Variants in CFAP36 observed in about 807,000 individuals in gnomAD.
CFAP36 encodes the protein cilia- and flagella-associated protein 36.
Under a neutral mutation model 50.5 loss-of-function variants are expected in CFAP36, and 37 were observed. The ratio of observed to expected loss-of-function variants is 0.73; its 90% CI spans 0.56 to 0.96. CFAP36 has a LOEUF of 0.96. CFAP36 is among the 50% of genes least tolerant of loss of function. The probability of loss-of-function intolerance (pLI) is 0.00; values close to 1 mark genes in which losing one functional copy is unlikely to be tolerated. For missense variants in CFAP36, 407 were observed against 396.2 expected (o/e 1.03, Z -0.23); for synonymous variants, 138 against 128.2 (o/e 1.08, Z -0.52).
intron 3 of CFAP36, among the ~76,000 whole-genome samples, chr2:55,525,343 C>G (rs528508070): frequency 6.6e-6 from 1 of 152,020 alleles, no homozygotes; most frequent in East Asian, 1.9e-4. Context: ...CCCCAGAGTA[C>G]CTACTCAGGA....
chr2:55,530,068 C>G (rs1684315672), intron 4 of CFAP36, among the ~76,000 whole-genome samples: 1 of 152,124 alleles, frequency 6.6e-6, no homozygotes, highest in Non-Finnish European at 1.5e-5. Flanking sequence ...TGTCCCCACC[C>G]AAATCTCATC....
chr2:55,537,314 T>G (rs1042763563), intron 6 of CFAP36, among the ~76,000 whole-genome samples, 169 bp from the exon 7 acceptor site: 1 of 152,004 alleles, frequency 6.6e-6, no homozygotes, highest in Non-Finnish European at 1.5e-5. Context: ...GAGGTTGCAG[T>G]GAGTCAGGAT....
At chr2:55,543,304 C>G (rs778093100) in intron 7 of CFAP36, among the ~76,000 whole-genome samples, 5 of 152,138 alleles carry the variant, frequency 3.3e-5, no homozygotes, top group Non-Finnish European at 7.3e-5. Flanking sequence ...TTAACTCTCT[C>G]TCTTGGTTGG....
At chr2:55,527,228 C>G (rs527805343) in intron 3 of CFAP36, among the ~76,000 whole-genome samples, 26 of 152,162 alleles carry the variant, frequency 1.7e-4, no homozygotes, top group Middle Eastern at 3.4e-3. Flanking sequence ...ACTTCAACAC[C>G]CTCTGTCAGT....
At chr2:55,523,900 TTTGA>T (rs1418783108) in intron 3 of CFAP36, 78 bp downstream of exon 3, 2 of 858,650 alleles carry the variant, frequency 2.3e-6, no homozygotes, top group African/African-American at 3.4e-5. Flanking sequence ...AATTTGAATG[TTTGA>T]TTGACAAAGT....
Position 55,528,552 on chromosome 2 carries a change from C to T in CFAP36, c.283-326C>T, listed in dbSNP as rs1684269813. Among the ~76,000 whole-genome samples the T allele has an allele frequency of 1.3e-5, 2 of 152,128 alleles. 1 individual carries two copies. ...GGGACTACAGGTATGCACCACCGCA[C>T]CTGGCTAATTTTTTTATTTTTTTAG... On this transcript the variant is annotated intron_variant, in intron 3 of 9. Transcript: ENST00000349456.
At position 55,542,340 on chromosome 2, in the gene CFAP36, G is replaced by A. The variant is rs576684209; in HGVS notation, c.641-1598G>A. Among the ~76,000 whole-genome samples, 39 of 152,180 alleles carry A rather than the reference G, an allele frequency of 2.6e-4. No homozygotes were observed. The South Asian group carries it at 6.0e-3, about 23-fold the overall frequency. On this transcript the variant is annotated intron_variant, in intron 7 of 9. Transcript: ENST00000349456. Reference sequence around the variant, plus strand: ...TTTTAAAATAATTTTTTTCAAATGCGCATATCTGATATTTCAGAGAATCAC... The same window carrying A: ...TTTTAAAATAATTTTTTTCAAATGCACATATCTGATATTTCAGAGAATCAC...
intron 3 of CFAP36, among the ~76,000 whole-genome samples, chr2:55,525,782 C>T (rs1018414912): frequency 6.6e-6 from 1 of 152,214 alleles, no homozygotes; most frequent in Non-Finnish European, 1.5e-5. Context: ...AGGCTCCCAC[C>T]ACCATGCCCG....
intron 3 of CFAP36, among the ~76,000 whole-genome samples, 154 bp downstream of exon 3, chr2:55,523,976 G>A (rs1384073958): frequency 6.6e-6 from 1 of 152,180 alleles, no homozygotes; most frequent in East Asian, 1.9e-4. Flanking sequence ...TTCTTTTTGA[G>A]AGCAACCCTG....
At chr2:55,542,056 T>C (rs973778699) in intron 7 of CFAP36, among the ~76,000 whole-genome samples, 14 of 152,226 alleles carry the variant, frequency 9.2e-5, no homozygotes, top group African/African-American at 3.1e-4. Context: ...AATAGCCTCA[T>C]TTTAATGATA....
intron 7 of CFAP36, among the ~76,000 whole-genome samples, chr2:55,543,263 T>TA (rs977978494): frequency 6.6e-6 from 1 of 152,120 alleles, no homozygotes; most frequent in Non-Finnish European, 1.5e-5. Context: ...CACCTTATAA[T>TA]AAAAAATGGC....
Position 55,545,014 on chromosome 2 carries a change from A to G in CFAP36, c.*6A>G. On this transcript the variant is annotated 3_prime_UTR_variant, in exon 10 of 10. Transcript: ENST00000349456. Reference sequence around the variant, plus strand: ...AAGAAGTTATTAATAAGTAATAATTAAGAACAATTTAACAAAATGGAAGTT... The same window carrying G: ...AAGAAGTTATTAATAAGTAATAATTGAGAACAATTTAACAAAATGGAAGTT... 6.8e-7 allele frequency: 1 copy of G among 1,481,272 alleles called. No homozygotes were observed. The highest frequency in any genetic ancestry group is 1.2e-5 in the South Asian group (1 of 81,272). The allele number at this position is 1,481,272 out of a possible 1,614,324, so 91.8% of individuals were successfully genotyped here. A position where few individuals can be genotyped will look rare whatever the true frequency, so the allele number is the denominator to read the frequency against.
At chr2:55,523,225 A>G (rs980695477) in intron 2 of CFAP36, among the ~76,000 whole-genome samples, 35 of 151,232 alleles carry the variant, frequency 2.3e-4, no homozygotes, top group African/African-American at 8.0e-4. Context: ...AGCCTGACCA[A>G]CATGGTGCAA....
At chr2:55,523,392 G>T (rs1684123807) in intron 2 of CFAP36, among the ~76,000 whole-genome samples, 1 of 151,990 alleles carries the variant, frequency 6.6e-6, no homozygotes, top group African/African-American at 2.4e-5. Context: ...TCCAGCCTGG[G>T]TGACAGAGTG....
intron 1 of CFAP36, 73 bp downstream of exon 1, chr2:55,519,989 C>A: frequency 7.3e-7 from 1 of 1,373,882 alleles, no homozygotes; most frequent in East Asian, 2.4e-5. Flanking sequence ...GGTTGGTAAC[C>A]ACAAGCCATC....
intron 7 of CFAP36, among the ~76,000 whole-genome samples, chr2:55,541,230 AG>A: frequency 6.6e-6 from 1 of 152,138 alleles, no homozygotes; most frequent in Non-Finnish European, 1.5e-5. Context: ...AGGCTGAGGC[AG>A]GAGAATCGCT....
intron 3 of CFAP36, among the ~76,000 whole-genome samples, chr2:55,526,072 A>G (rs1684200412): frequency 1.3e-5 from 2 of 152,130 alleles, no homozygotes; most frequent in Non-Finnish European, 2.9e-5. Flanking sequence ...TTGAAATGCT[A>G]CTTGTTATAG....
intron 3 of CFAP36, among the ~76,000 whole-genome samples, chr2:55,528,050 G>A (rs557139458): frequency 2.6e-5 from 4 of 151,470 alleles, no homozygotes; most frequent in East Asian, 2.0e-4. Flanking sequence ...CACACCTTCC[G>A]CCATGTTGGC....
chr2:55,545,009 T>A lies in CFAP36; in HGVS notation c.*1T>A. The A allele has an allele frequency of 6.6e-7, 1 of 1,508,302 alleles. No homozygotes were observed. Among genetic ancestry groups the A allele is most frequent in the South Asian group, 1.2e-5 (1 of 82,952 alleles). 93.4% of individuals were successfully genotyped at this position (1,508,302 alleles called of 1,614,324 possible). The stretch of plus-strand genomic sequence containing the variant: ...CAAAGAAGAAGTTATTAATAAGTAA[T>A]AATTAAGAACAATTTAACAAAATGG... On this transcript the variant is annotated 3_prime_UTR_variant, in exon 10 of 10. Coordinates refer to ENST00000349456, the MANE Select transcript of CFAP36 (RefSeq NM_080667.7).
Sources: gnomAD v4.1 joint callset for allele counts (sites outside exome capture counted in the v4.1 genomes callset) on GRCh38, gnomAD v4.1.1 for gene constraint, MANE v1.5 for transcripts, NCBI Gene and HGNC (gene_info 2026-07-23, HGNC 2026-07-21) for gene names.